TRIM44: variants seen among roughly 807,000 people sequenced by gnomAD.
The protein encoded by TRIM44 is tripartite motif containing 44, also known as tripartite motif-containing protein 44.
TRIM44 carries 13 observed loss-of-function variants against 37.4 expected under a neutral mutation model. The ratio of observed to expected loss-of-function variants is 0.35; its 90% CI spans 0.23 to 0.55. TRIM44 has a LOEUF of 0.55. Ranked by LOEUF, TRIM44 falls within the 20% of genes least tolerant of loss-of-function variation. The pLI is 0.89. For missense variants in TRIM44, 426 were observed against 437.2 expected (o/e 0.97, Z 0.23); for synonymous variants, 175 against 157.2 (o/e 1.11, Z -0.85).
In TRIM44 at chr11:35,806,606, A is replaced by G. The variant is rs528626324; in HGVS notation, c.*221A>G. The stretch of plus-strand genomic sequence containing the variant: ...CTGGTTGTGGTAGGTCAAGGAAAAG[A>G]GCCCCTTTGATCCACCAGGAGCAAT... On this transcript the variant is annotated 3_prime_UTR_variant, in exon 5 of 5. Coordinates refer to ENST00000299413, the MANE Select transcript of TRIM44 (RefSeq NM_017583.6). 3.6e-6 allele frequency: 2 copies of G among 550,486 alleles called. No homozygotes were observed. Among genetic ancestry groups the G allele is most frequent in the South Asian group, 5.0e-5 (2 of 39,928 alleles). The allele number at this position is 550,486 out of a possible 1,614,324, so 34.1% of individuals were successfully genotyped here.
chr11:35,809,782 T>C lies in TRIM44; in HGVS notation c.*3397T>C, dbSNP rs1454976143. 6.6e-6 allele frequency: 1 copy of C among 152,134 alleles called. No homozygotes were observed. The highest frequency in any genetic ancestry group is 1.9e-4 in the East Asian group (1 of 5,196). 9.4% of individuals were successfully genotyped at this position (152,134 alleles called of 1,614,324 possible). A position where few individuals can be genotyped will look rare whatever the true frequency, so the allele number is the denominator to read the frequency against. On this transcript the variant is annotated 3_prime_UTR_variant, in exon 5 of 5. Transcript: ENST00000299413. ...AAAGTCCAGTGAATCTGGACTCTCT[T>C]ACTGATTCCTGGTTTTAGTGTGTGT...
chr11:35,774,423 G>C (rs1343890804), intron 4 of TRIM44, among the ~76,000 whole-genome samples: 5 of 152,250 alleles, frequency 3.3e-5, no homozygotes, highest in African/African-American at 1.2e-4. Context: ...TAGGTTGCCT[G>C]TTCACTCTGA....
At chr11:35,705,527 G>T (rs1442614574) in intron 2 of TRIM44, among the ~76,000 whole-genome samples, 5 of 152,108 alleles carry the variant, frequency 3.3e-5, no homozygotes. Context: ...GCTCTCCTCA[G>T]CAAATGTAAA....
chr11:35,766,965 T>C (rs1178197503), intron 4 of TRIM44, among the ~76,000 whole-genome samples: 1 of 152,232 alleles, frequency 6.6e-6, no homozygotes, highest in Non-Finnish European at 1.5e-5. Flanking sequence ...GTCTGACATT[T>C]AGCATGAAGT....
At chr11:35,700,553 A>T (rs1004740274) in intron 2 of TRIM44, among the ~76,000 whole-genome samples, 1 of 152,194 alleles carries the variant, frequency 6.6e-6, no homozygotes, top group Non-Finnish European at 1.5e-5. Context: ...TTTGGTGCAT[A>T]CATTTCCTTT....
rs911761169 is a variant in TRIM44 at position 35,817,338 on chromosome 11, AGTT to A, written c.*10956_*10958del. On this transcript the variant is annotated 3_prime_UTR_variant, in exon 5 of 5. Coordinates refer to ENST00000299413, the MANE Select transcript of TRIM44 (RefSeq NM_017583.6). ...TCCCATCCCTGCTCTGCCACTGACA[AGTT>A]GTGTGGCATTTGGCACATCATGTTC... The A allele has an allele frequency of 1.3e-5, 2 of 152,156 alleles. No homozygotes were observed. Among genetic ancestry groups the A allele is most frequent in the Non-Finnish European group, 2.9e-5 (2 of 68,030 alleles). The allele number at this position is 152,156 out of a possible 1,614,324, so 9.4% of individuals were successfully genotyped here.
chr11:35,751,137 A>T (rs1429801654), intron 4 of TRIM44, among the ~76,000 whole-genome samples: 1 of 152,238 alleles, frequency 6.6e-6, no homozygotes, highest in African/African-American at 2.4e-5. Flanking sequence ...GAATGAATGA[A>T]TCAGGCAGTG....
At chr11:35,738,389 T>A (rs984961832) in intron 4 of TRIM44, among the ~76,000 whole-genome samples, 2 of 152,172 alleles carry the variant, frequency 1.3e-5, no homozygotes, top group African/African-American at 4.8e-5. Flanking sequence ...TCAGGCCATC[T>A]CCCTTGAGCC....
At chr11:35,667,759 G>A (rs550682662) in intron 1 of TRIM44, among the ~76,000 whole-genome samples, 3 of 152,122 alleles carry the variant, frequency 2.0e-5, no homozygotes, top group Middle Eastern at 3.4e-3. Flanking sequence ...TCATCTCTTC[G>A]TATTGTTGTA....
chr11:35,788,981 G>A (rs558653424), intron 4 of TRIM44, among the ~76,000 whole-genome samples: 3 of 152,222 alleles, frequency 2.0e-5, no homozygotes, highest in African/African-American at 4.8e-5. Flanking sequence ...TCAGCCTGAG[G>A]CCCTAAAAAT....
intron 2 of TRIM44, among the ~76,000 whole-genome samples, chr11:35,713,231 T>G (rs2135509098): frequency 6.6e-6 from 1 of 152,322 alleles, no homozygotes; most frequent in Middle Eastern, 3.4e-3. Flanking sequence ...TGTTTACCTC[T>G]GCAGCAGGCA....
intron 4 of TRIM44, among the ~76,000 whole-genome samples, chr11:35,768,561 A>G (rs1164325190): frequency 6.6e-6 from 1 of 152,212 alleles, no homozygotes; most frequent in Non-Finnish European, 1.5e-5. Context: ...ATCCCTGAAG[A>G]TAGAAATGAA....
intron 2 of TRIM44, among the ~76,000 whole-genome samples, chr11:35,702,676 T>A (rs1447857675): frequency 1.3e-5 from 2 of 152,232 alleles, no homozygotes; most frequent in Non-Finnish European, 2.9e-5. Flanking sequence ...TGTGCGTGTG[T>A]GTATTTCATT....
chr11:35,805,122 C>CCTTA (rs1400110956), intron 4 of TRIM44, among the ~76,000 whole-genome samples: 2 of 152,134 alleles, frequency 1.3e-5, no homozygotes, highest in Non-Finnish European at 2.9e-5. Context: ...AGGACACAGA[C>CCTTA]CTTACTATGT....
intron 4 of TRIM44, among the ~76,000 whole-genome samples, chr11:35,772,951 C>G (rs1347909226): frequency 1.3e-5 from 2 of 152,150 alleles, no homozygotes; most frequent in Admixed American, 6.5e-5. Context: ...CCATGCAAAT[C>G]TCATCTTGAA....
chr11:35,718,490 C>T (rs1312660748), intron 2 of TRIM44, among the ~76,000 whole-genome samples: 1 of 152,106 alleles, frequency 6.6e-6, no homozygotes, highest in Non-Finnish European at 1.5e-5. Flanking sequence ...CCATATACTC[C>T]TTCCCCACAT....
rs1470067453 is a variant in TRIM44, at chr11:35,756,413, G to A, written c.1007+20968G>A. On this transcript the variant is annotated intron_variant, in intron 4 of 4. Coordinates refer to ENST00000299413, the MANE Select transcript of TRIM44 (RefSeq NM_017583.6). The stretch of plus-strand genomic sequence containing the variant: ...GCTTAAGGAGATTTTGGGCTGAGAC[G>A]ATGGGGTTTTCTAGATATATAATCA... 8.5e-5 allele frequency among the ~76,000 whole-genome samples: 13 copies of A among 152,244 alleles called. No individual in the cohort carries two copies. The East Asian group carries it at 1.9e-3, about 23-fold the overall frequency.
At chr11:35,779,736 G>T (rs1434723965) in intron 4 of TRIM44, among the ~76,000 whole-genome samples, 3 of 152,072 alleles carry the variant, frequency 2.0e-5, no homozygotes, top group Non-Finnish European at 4.4e-5. Flanking sequence ...AGAGTTTGGG[G>T]TCTTGTGTTT....
chr11:35,748,612 C>T (rs1852523839), intron 4 of TRIM44, among the ~76,000 whole-genome samples: 1 of 152,136 alleles, frequency 6.6e-6, no homozygotes. Context: ...ATAGAGAAAT[C>T]GTGGTCCCAA....
Sources: allele counts gnomAD v4.1 joint callset (sites outside exome capture counted in the v4.1 genomes callset), GRCh38; gene constraint gnomAD v4.1.1; transcripts MANE v1.5; gene names NCBI Gene and HGNC (gene_info 2026-07-23, HGNC 2026-07-21).